The following ATP8A1 variants were observed in gnomAD, a reference collection of about 807,000 sequenced individuals.
ATP8A1 encodes phospholipid-transporting ATPase IA.
Under a neutral mutation model 177.7 loss-of-function variants are expected in ATP8A1, and 90 were observed. That is an observed-to-expected ratio of 0.51 (90% CI 0.43 to 0.60). The LOEUF (loss-of-function observed/expected upper bound fraction) is 0.60, where lower values mean the gene tolerates loss of function less well. Ranked by LOEUF, ATP8A1 falls within the 20% of genes least tolerant of loss-of-function variation. The pLI is 0.00. For missense variants in ATP8A1, 1,072 were observed against 1,392.8 expected (o/e 0.77, Z 3.67); for synonymous variants, 493 against 485.9 (o/e 1.01, Z -0.19).
chr4:42,414,485 GT>G (rs1312563008), intron 36 of ATP8A1, 141 bp downstream of exon 36: 16 of 652,344 alleles, frequency 2.5e-5, no homozygotes. Context: ...TGGATTTTCT[GT>G]TATTTACAGG....
At chr4:42,451,348 C>T (rs918964949) in intron 30 of ATP8A1, among the ~76,000 whole-genome samples, 6 of 152,072 alleles carry the variant, frequency 3.9e-5, no homozygotes, top group African/African-American at 9.7e-5. Context: ...GGTGTCTTCC[C>T]GAGGATCTCA....
chr4:42,435,436 A>AC (rs758861582), intron 33 of ATP8A1, among the ~76,000 whole-genome samples: 46 of 77,886 alleles, frequency 5.9e-4, no homozygotes, highest in African/African-American at 2.1e-3. Context: ...CAAAAAAAAA[A>AC]AAAAAAAAAA....
intron 15 of ATP8A1, among the ~76,000 whole-genome samples, chr4:42,559,897 G>C (rs528848158): frequency 6.6e-6 from 1 of 152,340 alleles, no homozygotes; most frequent in African/African-American, 2.4e-5. Flanking sequence ...GTAGAGACAA[G>C]GTTTTGCCAT....
intron 33 of ATP8A1, among the ~76,000 whole-genome samples, chr4:42,435,760 T>C (rs1026702236): frequency 2.6e-5 from 4 of 152,228 alleles, no homozygotes; most frequent in African/African-American, 9.6e-5. Flanking sequence ...AATGCTCTTC[T>C]TCATATGACA....
At position 42,408,423 on chromosome 4, in the gene ATP8A1, A is replaced by G. The variant is rs1191372738; in HGVS notation, c.*4493T>C. 1 of 152,224 alleles carries G rather than the reference A, an allele frequency of 6.6e-6. No individual in the cohort carries two copies. The highest frequency in any genetic ancestry group is 1.5e-5 in the Non-Finnish European group (1 of 68,044). 9.4% of individuals were successfully genotyped at this position (152,224 alleles called of 1,614,324 possible). Reference sequence around the variant, plus strand: ...CATTTTTAATAACAATTAGAGGACAAAATGTTTAAAATTTGCAGTTTAAAA... The same window carrying G: ...CATTTTTAATAACAATTAGAGGACAGAATGTTTAAAATTTGCAGTTTAAAA... On this transcript the variant is annotated 3_prime_UTR_variant, in exon 37 of 37. Coordinates refer to ENST00000381668, the MANE Select transcript of ATP8A1 (RefSeq NM_006095.2).
chr4:42,473,679 T>C (rs1720723413), intron 25 of ATP8A1, among the ~76,000 whole-genome samples: 1 of 152,138 alleles, frequency 6.6e-6, no homozygotes, highest in Non-Finnish European at 1.5e-5. Flanking sequence ...GAGGTCTTGC[T>C]CTGTCGCCCA....
rs1041643596 is a variant in ATP8A1 at position 42,412,575 on chromosome 4, C to G, written c.*341G>C. On this transcript the variant is annotated 3_prime_UTR_variant, in exon 37 of 37. Transcript: ENST00000381668. Reference sequence around the variant, plus strand: ...ATGGTTGGTTACCTTGTGGTACAGCCAATAAACTGACAGTCAGTTACAGCC... The same window carrying G: ...ATGGTTGGTTACCTTGTGGTACAGCGAATAAACTGACAGTCAGTTACAGCC... 93 of 174,836 alleles carry G rather than the reference C, an allele frequency of 5.3e-4. No homozygotes were observed. The highest frequency in any genetic ancestry group is 2.1e-3 in the African/African-American group (91 of 42,344). 10.8% of individuals were successfully genotyped at this position (174,836 alleles called of 1,614,324 possible). A position where few individuals can be genotyped will look rare whatever the true frequency, so the allele number is the denominator to read the frequency against.
At chr4:42,460,033 C>T (rs1176701214) in intron 27 of ATP8A1, among the ~76,000 whole-genome samples, 2 of 152,094 alleles carry the variant, frequency 1.3e-5, no homozygotes, top group Non-Finnish European at 2.9e-5. Flanking sequence ...CCTCGTGATC[C>T]ACCCCCCTCG....
chr4:42,499,641 C>T (rs28375349), intron 24 of ATP8A1, among the ~76,000 whole-genome samples: 10,223 of 152,216 alleles, frequency 0.067, 1,133 homozygotes, highest in African/African-American at 0.23. Context: ...TTTTCTCCCA[C>T]AAGAGGAAAC....
chr4:42,597,493 A>G (rs1734833191), intron 6 of ATP8A1, among the ~76,000 whole-genome samples: 1 of 152,148 alleles, frequency 6.6e-6, no homozygotes, highest in Non-Finnish European at 1.5e-5. Context: ...CTTTAAGCTC[A>G]CTGCTTGGCA....
At chr4:42,542,110 A>C (rs1728448482) in intron 20 of ATP8A1, among the ~76,000 whole-genome samples, 1 of 151,822 alleles carries the variant, frequency 6.6e-6, no homozygotes, top group African/African-American at 2.4e-5. Flanking sequence ...TGGGGAGGCT[A>C]TGTGTGTGTG....
chr4:42,472,074 G>A (rs1720484237), intron 25 of ATP8A1: 1 of 718,680 alleles, frequency 1.4e-6, no homozygotes, highest in South Asian at 1.4e-5. Flanking sequence ...AAAGTTCAGT[G>A]GGAAGCATGC....
rs5857844 is a variant in ATP8A1, at chr4:42,417,336, C to CAA, written c.3306-2620_3306-2619dup. Among the ~76,000 whole-genome samples the CAA allele has an allele frequency of 1.3e-4, 19 of 144,624 alleles. No homozygotes were observed. In the East Asian group the frequency reaches 1.6e-3, roughly 12 times the overall value. The allele number at this position is 144,624 out of a possible 152,430, so 94.9% of individuals were successfully genotyped here. ...GGAACAGCTTAACAGTGTGAAAAGACAAAAAAAAAAAACACTAAAGATACC... is the reference window on the plus strand; with the variant it reads ...GGAACAGCTTAACAGTGTGAAAAGACAAAAAAAAAAAAAACACTAAAGATACC... On this transcript the variant is annotated intron_variant, in intron 35 of 36. Coordinates refer to ENST00000381668, the MANE Select transcript of ATP8A1 (RefSeq NM_006095.2).
chr4:42,550,217 G>A (rs547442485), intron 18 of ATP8A1, among the ~76,000 whole-genome samples: 79 of 145,746 alleles, frequency 5.4e-4, no homozygotes, highest in Middle Eastern at 3.5e-3. Flanking sequence ...TTTTTTGCTC[G>A]GCATAATGTT....
intron 7 of ATP8A1, among the ~76,000 whole-genome samples, chr4:42,588,962 A>T (rs1332928395): frequency 6.6e-6 from 1 of 152,208 alleles, no homozygotes; most frequent in East Asian, 1.9e-4. Flanking sequence ...TGCTTGAGAG[A>T]TTCTCACAGC....
intron 33 of ATP8A1, among the ~76,000 whole-genome samples, chr4:42,425,246 A>G (rs1165149939): frequency 1.3e-5 from 2 of 151,760 alleles, no homozygotes; most frequent in African/African-American, 4.8e-5. Context: ...GAGAAGGAGG[A>G]TTTATTCTTG....
intron 15 of ATP8A1, among the ~76,000 whole-genome samples, chr4:42,565,845 T>C (rs1400073485): frequency 2.0e-5 from 3 of 152,202 alleles, no homozygotes; most frequent in African/African-American, 4.8e-5. Flanking sequence ...AAAATGAGCA[T>C]ATCTTAGGGC....
intron 5 of ATP8A1, among the ~76,000 whole-genome samples, chr4:42,614,813 C>T (rs1736737282): frequency 6.6e-6 from 1 of 152,122 alleles, no homozygotes; most frequent in Non-Finnish European, 1.5e-5. Flanking sequence ...TCCTGAAAAA[C>T]CCCTCTTCCT....
At chr4:42,414,899 C>T (rs1380780908) in intron 35 of ATP8A1, 181 bp from the exon 36 acceptor site, 2 of 574,042 alleles carry the variant, frequency 3.5e-6, no homozygotes, top group Non-Finnish European at 6.2e-6. Flanking sequence ...TTTAGACAGA[C>T]TTTTGAGGCC....
Sources: allele counts gnomAD v4.1 joint callset (sites outside exome capture counted in the v4.1 genomes callset), GRCh38; gene constraint gnomAD v4.1.1; transcripts MANE v1.5; gene names NCBI Gene and HGNC (gene_info 2026-07-23, HGNC 2026-07-21).